The following ZNF540 variants were observed in gnomAD, a reference collection of about 807,000 sequenced individuals.
ZNF540 encodes zinc finger protein 540, also known as CTD-3064H18.6.
A neutral mutation model predicts 11.8 loss-of-function variants in ZNF540; 3 were observed. That is an observed-to-expected ratio of 0.25 (90% CI 0.12 to 0.65). The LOEUF (loss-of-function observed/expected upper bound fraction) is 0.65, where lower values mean the gene tolerates loss of function less well. Among genes scored for constraint, ZNF540 ranks in the 30% least tolerant of loss-of-function variants. The pLI is 0.83. For synonymous variants in ZNF540, 247 were observed against 259.0 expected, an observed-to-expected ratio of 0.95 and a Z score of 0.45; for missense variants, 709 against 793.1, an observed-to-expected ratio of 0.89 and a Z score of 1.27.
rs943038454 is a variant in ZNF540, at chr19:37,612,098, G to T, written c.818G>T (p.Cys273Phe). The T allele has an allele frequency of 2.5e-6, 4 of 1,611,580 alleles. No individual in the cohort carries two copies. Among genetic ancestry groups the T allele is most frequent in the Non-Finnish European group, 3.4e-6 (4 of 1,179,634 alleles). Residue 273 changes from cysteine to phenylalanine, a missense_variant, in exon 5 of 5, where the codon TGT becomes TTT. By Grantham distance (205) the Cys-to-Phe change is radical. Transcript: ENST00000316433. ...CACACTGGTAAAAAACCCTATATGT[G>T]TAAGAAATGTGATAAGGGTTTTTTT... The part of the protein sequence containing the change: ...KIHTGKKPYM[C>F]KKCDKGFFSR...
intron 3 of ZNF540, among the ~76,000 whole-genome samples, chr19:37,600,324 A>G (rs1229099334): frequency 2.6e-5 from 4 of 152,194 alleles, no homozygotes; most frequent in Admixed American, 2.6e-4. Context: ...GCATCACACA[A>G]TATCCCCAGG....
intron 1 of ZNF540, among the ~76,000 whole-genome samples, chr19:37,580,519 G>C (rs1402556010): frequency 2.6e-5 from 4 of 152,186 alleles, no homozygotes; most frequent in Admixed American, 2.6e-4. Flanking sequence ...GCTATGGTTT[G>C]GATGTGGTTT....
chr19:37,557,893 T>TGCTTGGC (rs148798271), intron 1 of ZNF540, among the ~76,000 whole-genome samples: 6,167 of 152,156 alleles, frequency 0.041, 338 homozygotes, highest in African/African-American at 0.12. Flanking sequence ...TAGCGGCTAC[T>TGCTTGGC]GCTTGGCTCG....
upstream of ZNF540, among the ~76,000 whole-genome samples, chr19:37,590,740 AGT>A (rs1324748531): frequency 1.3e-5 from 2 of 152,158 alleles, no homozygotes; most frequent in Non-Finnish European, 2.9e-5. Context: ...CTTCTCTGTA[AGT>A]GTAATATTAT....
intron 4 of ZNF540, among the ~76,000 whole-genome samples, chr19:37,605,735 GTTGTA>G (rs1284897409): frequency 6.6e-6 from 1 of 152,164 alleles, no homozygotes; most frequent in Non-Finnish European, 1.5e-5. Flanking sequence ...TTGCCAACCT[GTTGTA>G]TTGTCAGTCA....
chr19:37,564,791 G>A (rs1365676415), intron 1 of ZNF540: 1 of 1,613,624 alleles, frequency 6.2e-7, no homozygotes, highest in Admixed American at 1.7e-5. Context: ...CAGATGTTCA[G>A]TAAGGTGTGA....
Position 37,612,386 on chromosome 19 carries a change from A to G in ZNF540, c.1106A>G (p.Tyr369Cys). 6.2e-7 allele frequency: 1 copy of G among 1,614,042 alleles called. No individual in the cohort carries two copies. The highest frequency in any genetic ancestry group is 8.5e-7 in the Non-Finnish European group (1 of 1,180,002). Residue 369 changes from tyrosine (Y) to cysteine (C), a missense_variant, in exon 5 of 5, where the codon TAC becomes TGC. Coordinates refer to ENST00000316433, the MANE Select transcript of ZNF540 (RefSeq NM_001172225.3). ...ECGKTFRLSFYLTEHRRTHAG... is the reference protein window; with the variant it reads ...ECGKTFRLSFCLTEHRRTHAG... ...GGAAAGACCTTTAGACTTAGTTTTTACCTTACTGAACACAGAAGAACTCAT... is the reference window on the plus strand; with the variant it reads ...GGAAAGACCTTTAGACTTAGTTTTTGCCTTACTGAACACAGAAGAACTCAT...
intron 1 of ZNF540, among the ~76,000 whole-genome samples, chr19:37,597,165 AT>A (rs3838929): frequency 0.027 from 3,997 of 149,714 alleles, 162 homozygotes; most frequent in African/African-American, 0.092. Context: ...ATAAAAGTTG[AT>A]TTTTTTTTTA....
Position 37,613,712 on chromosome 19 carries a change from C to A in ZNF540, c.*449C>A, listed in dbSNP as rs1275509439. On this transcript the variant is annotated 3_prime_UTR_variant, in exon 5 of 5. Coordinates refer to ENST00000316433, the MANE Select transcript of ZNF540 (RefSeq NM_001172225.3). ...TAGTGGATTTCTTAATAGGAAGATG[C>A]AATGGAGATGACAAATTTGGAAAAA... 1 of 398,000 alleles carries A rather than the reference C, an allele frequency of 2.5e-6. No individual in the cohort carries two copies. The highest frequency in any genetic ancestry group is 4.4e-6 in the Non-Finnish European group (1 of 225,842). 24.7% of individuals were successfully genotyped at this position (398,000 alleles called of 1,614,324 possible).
chr19:37,566,977 CTAAT>C (rs1015980057), intron 1 of ZNF540, among the ~76,000 whole-genome samples: 85 of 152,256 alleles, frequency 5.6e-4, no homozygotes, highest in African/African-American at 1.8e-3. Flanking sequence ...TACCACTCCC[CTAAT>C]TATTCATTTG....
intron 3 of ZNF540, 61 bp downstream of exon 3, chr19:37,599,813 C>T: frequency 6.8e-7 from 1 of 1,472,952 alleles, no homozygotes; most frequent in South Asian, 1.4e-5. Context: ...CTTTCTCTTC[C>T]ACAAATTTAG....
intron 1 of ZNF540, among the ~76,000 whole-genome samples, chr19:37,566,977 C>T (rs1005052182): frequency 1.3e-5 from 2 of 152,138 alleles, no homozygotes; most frequent in African/African-American, 4.8e-5. Context: ...TACCACTCCC[C>T]TAATTATTCA....
In ZNF540 at chr19:37,559,788, T is replaced by C. The variant is rs2042698144; in HGVS notation, c.-73+8123T>C. ...AAGAGGTTATGGGTACACTGTACTA[T>C]TTTATTTTTGCCCATGTTTAAAATT... is the stretch of plus-strand genomic sequence containing the variant. On this transcript the variant is annotated intron_variant, in intron 1 of 4. Transcript: ENST00000592533. 4.6e-5 allele frequency among the ~76,000 whole-genome samples: 7 copies of C among 152,216 alleles called. No individual in the cohort carries two copies. The South Asian group carries it at 1.4e-3, about 32-fold the overall frequency.
At chr19:37,598,240 C>T (rs888512061) in intron 1 of ZNF540, 136 bp from the exon 2 acceptor site, 3 of 575,356 alleles carry the variant, frequency 5.2e-6, no homozygotes, top group South Asian at 4.7e-5. Flanking sequence ...GTGAGTGTGT[C>T]GGAGGGAGGT....
intron 1 of ZNF540, among the ~76,000 whole-genome samples, chr19:37,568,801 A>G (rs1037159609): frequency 2.0e-5 from 3 of 152,192 alleles, no homozygotes; most frequent in Non-Finnish European, 4.4e-5. Flanking sequence ...AGGGGTGATG[A>G]GTGAAGACAA....
In ZNF540 at chr19:37,610,330, C is replaced by T. The variant is rs779087743; in HGVS notation, c.233-1183C>T. The stretch of plus-strand genomic sequence containing the variant: ...TGCTGTATGCTAGTGGGTAGTTATT[C>T]ACTGTTGAATGAAATAAGGATTACA... On this transcript the variant is annotated intron_variant, in intron 4 of 4. Coordinates refer to ENST00000316433, the MANE Select transcript of ZNF540 (RefSeq NM_001172225.3). 4.1e-4 allele frequency among the ~76,000 whole-genome samples: 62 copies of T among 152,212 alleles called. 1 individual carries two copies. The highest frequency in any genetic ancestry group is 7.6e-4 in the Non-Finnish European group (52 of 68,014).
intron 1 of ZNF540, chr19:37,585,464 C>T (rs2043637901): frequency 6.6e-6 from 1 of 152,240 alleles, no homozygotes; most frequent in African/African-American, 2.4e-5. Flanking sequence ...ATGGCACCTA[C>T]AGAAGGCCAC....
At chr19:37,606,895 T>C (rs1226946702) in intron 4 of ZNF540, among the ~76,000 whole-genome samples, 1 of 152,184 alleles carries the variant, frequency 6.6e-6, no homozygotes, top group Admixed American at 6.5e-5. Flanking sequence ...ATTTTTCATT[T>C]TGATGAAGCC....
At chr19:37,593,435 G>A (rs2043925245), upstream of ZNF540, among the ~76,000 whole-genome samples, 1 of 152,302 alleles carries the variant, frequency 6.6e-6, no homozygotes, top group African/African-American at 2.4e-5. Context: ...CAGGCGCGGT[G>A]GCTCACGCCT....
Sources: gnomAD v4.1 joint callset for allele counts (sites outside exome capture counted in the v4.1 genomes callset) on GRCh38, gnomAD v4.1.1 for gene constraint, MANE v1.5 for transcripts, NCBI Gene and HGNC (gene_info 2026-07-23, HGNC 2026-07-21) for gene names.